Variants in NT5DC1 observed in about 807,000 individuals in gnomAD.
The protein encoded by NT5DC1 is 5'-nucleotidase domain containing 1.
Under a neutral mutation model 59.4 loss-of-function variants are expected in NT5DC1, and 42 were observed. The ratio of observed to expected loss-of-function variants is 0.71; its 90% CI spans 0.55 to 0.92. The LOEUF (loss-of-function observed/expected upper bound fraction) is 0.92. NT5DC1 is among the 40% of genes least tolerant of loss of function. The probability of loss-of-function intolerance (pLI) is 0.00; values close to 1 mark genes in which losing one functional copy is unlikely to be tolerated. For synonymous variants in NT5DC1, 172 were observed against 188.1 expected (o/e 0.91, Z 0.70); for missense variants, 501 against 537.1 (o/e 0.93, Z 0.66).
chr6:116,120,358 A>G, intron 6 of NT5DC1: 1 of 1,614,260 alleles, frequency 6.2e-7, no homozygotes, highest in Non-Finnish European at 8.5e-7. Flanking sequence ...TAAAGATTCC[A>G]GTCCTTGGGT....
At chr6:116,194,252 C>T (rs576312165) in intron 6 of NT5DC1, among the ~76,000 whole-genome samples, 6 of 152,042 alleles carry the variant, frequency 3.9e-5, no homozygotes, top group East Asian at 3.9e-4. Flanking sequence ...TTTCAAATGA[C>T]GGAGTTTATA....
At chr6:116,217,340 T>TGA (rs1781706151) in intron 6 of NT5DC1, among the ~76,000 whole-genome samples, 4 of 152,162 alleles carry the variant, frequency 2.6e-5, no homozygotes, top group Non-Finnish European at 5.9e-5. Flanking sequence ...AGAATCAGCT[T>TGA]ATTAAAAGAA....
chr6:116,156,042 T>G (rs965399015), intron 6 of NT5DC1, among the ~76,000 whole-genome samples: 2 of 152,332 alleles, frequency 1.3e-5, no homozygotes, highest in South Asian at 4.1e-4. Flanking sequence ...TAAAACATTA[T>G]GATAGTCACA....
At position 116,185,911 on chromosome 6, in the gene NT5DC1, G is replaced by A. The variant is rs182869310; in HGVS notation, c.530-35143G>A. Among the ~76,000 whole-genome samples, 8 of 152,084 alleles carry A rather than the reference G, an allele frequency of 5.3e-5. No homozygotes were observed. The East Asian group carries it at 1.6e-3, about 29-fold the overall frequency. On this transcript the variant is annotated intron_variant, in intron 6 of 11. Transcript: ENST00000319550. ...GCATACTATTCTATTCATCCTGCAA[G>A]TTGTTTCCTGAAAACCTTGGATTTT...
intron 6 of NT5DC1, among the ~76,000 whole-genome samples, chr6:116,211,742 T>C (rs921075158): frequency 2.6e-5 from 4 of 152,076 alleles, no homozygotes; most frequent in African/African-American, 4.8e-5. Flanking sequence ...TTTTATAAGA[T>C]TTTTCTCGAC....
chr6:116,120,591 G>C (rs750042042), intron 6 of NT5DC1: 1 of 1,587,516 alleles, frequency 6.3e-7, no homozygotes, highest in Admixed American at 1.8e-5. Flanking sequence ...GGCCCAGGGG[G>C]CCCTGGAAGA....
At chr6:116,218,524 C>T (rs1391482096) in intron 6 of NT5DC1, among the ~76,000 whole-genome samples, 2 of 152,128 alleles carry the variant, frequency 1.3e-5, no homozygotes, top group African/African-American at 4.8e-5. Context: ...AATTAGCAGT[C>T]ATCCACTCAT....
intron 6 of NT5DC1, among the ~76,000 whole-genome samples, chr6:116,186,050 G>A (rs1044822445): frequency 6.6e-6 from 1 of 152,096 alleles, no homozygotes; most frequent in Non-Finnish European, 1.5e-5. Flanking sequence ...AGTGGTTCTT[G>A]TAGTTCTCTT....
chr6:116,179,662 A>T (rs951828881), intron 6 of NT5DC1, among the ~76,000 whole-genome samples: 3 of 152,170 alleles, frequency 2.0e-5, no homozygotes, highest in African/African-American at 7.2e-5. Context: ...ACGGGTTTTG[A>T]ACAAGCATTT....
chr6:116,186,174 T>C (rs1582861160), intron 6 of NT5DC1, among the ~76,000 whole-genome samples: 1 of 152,100 alleles, frequency 6.6e-6, no homozygotes, highest in East Asian at 1.9e-4. Context: ...AATTATTTTG[T>C]TTAAGGAGAA....
Position 116,115,674 on chromosome 6 carries a change from A to T in NT5DC1, c.365-17A>T, listed in dbSNP as rs776626265. ...AGCATTATGTTGTTCCCAGTTTAAA[A>T]TTTTGTTCTTTTTTAGGAAAGTATT... On this transcript the variant is annotated splice_polypyrimidine_tract_variant and intron_variant, in intron 4 of 11. Transcript: ENST00000319550. 1.5e-6 allele frequency: 2 copies of T among 1,376,500 alleles called. No individual in the cohort carries two copies. The highest frequency in any genetic ancestry group is 2.8e-5 in the African/African-American group (2 of 70,486). The allele number at this position is 1,376,500 out of a possible 1,614,324, so 85.3% of individuals were successfully genotyped here.
intron 6 of NT5DC1, among the ~76,000 whole-genome samples, chr6:116,151,821 A>G (rs1397157041): frequency 6.6e-6 from 1 of 151,970 alleles, no homozygotes; most frequent in Admixed American, 6.6e-5. Flanking sequence ...ACTTCACTGT[A>G]CTCTTTTCTT....
chr6:116,203,135 A>C (rs1781380201), intron 6 of NT5DC1, among the ~76,000 whole-genome samples: 1 of 152,002 alleles, frequency 6.6e-6, no homozygotes, highest in Non-Finnish European at 1.5e-5. Flanking sequence ...GAACAAACCA[A>C]ATTACCAAGT....
At chr6:116,115,128 T>G (rs1404414418) in intron 4 of NT5DC1, among the ~76,000 whole-genome samples, 1 of 152,236 alleles carries the variant, frequency 6.6e-6, no homozygotes, top group Non-Finnish European at 1.5e-5. Context: ...CCACGAAATC[T>G]TGGAATATAC....
At chr6:116,190,043 C>G (rs1204114990) in intron 6 of NT5DC1, among the ~76,000 whole-genome samples, 1 of 151,880 alleles carries the variant, frequency 6.6e-6, no homozygotes, top group Non-Finnish European at 1.5e-5. Flanking sequence ...ATTATTTCAT[C>G]TCTCTGAATC....
chr6:116,202,715 G>A (rs1385075796), intron 6 of NT5DC1, among the ~76,000 whole-genome samples: 3 of 151,942 alleles, frequency 2.0e-5, no homozygotes, highest in East Asian at 3.9e-4. Context: ...GAACTGCAGT[G>A]TACAGTTTCA....
chr6:116,198,927 G>T (rs988724004), intron 6 of NT5DC1, among the ~76,000 whole-genome samples: 1 of 152,110 alleles, frequency 6.6e-6, no homozygotes, highest in East Asian at 1.9e-4. Context: ...GTGTAAATTA[G>T]ATGAAGAATC....
At chr6:116,161,818 C>G (rs1780339461) in intron 6 of NT5DC1, among the ~76,000 whole-genome samples, 1 of 152,108 alleles carries the variant, frequency 6.6e-6, no homozygotes, top group Non-Finnish European at 1.5e-5. Flanking sequence ...TTGCTTTGGG[C>G]AGTATAGTCA....
At chr6:116,173,151 T>C (rs1254153377) in intron 6 of NT5DC1, among the ~76,000 whole-genome samples, 2 of 152,224 alleles carry the variant, frequency 1.3e-5, no homozygotes, top group Non-Finnish European at 2.9e-5. Flanking sequence ...AAATGATAGC[T>C]AAAAACATTG....
Sources: gnomAD v4.1 joint callset for allele counts (sites outside exome capture counted in the v4.1 genomes callset) on GRCh38, gnomAD v4.1.1 for gene constraint, MANE v1.5 for transcripts, NCBI Gene and HGNC (gene_info 2026-07-23, HGNC 2026-07-21) for gene names.